C16orf87: variants seen among roughly 807,000 people sequenced by gnomAD.
The protein encoded by C16orf87 is HDAC and MIER1 interacting protein 1, also known as UPF0547 protein C16orf87.
A neutral mutation model predicts 21.0 loss-of-function variants in C16orf87; 13 were observed. That is an observed-to-expected ratio of 0.62 (90% CI 0.40 to 0.98). The LOEUF is 0.98. Ranked by LOEUF, C16orf87 falls within the 50% of genes least tolerant of loss-of-function variation. C16orf87 has a pLI of 0.00. For missense variants in C16orf87, 113 were observed against 180.4 expected (o/e 0.63, Z 2.14); for synonymous variants, 49 against 60.2 (o/e 0.81, Z 0.86).
At chr16:46,816,833 G>C (rs1412678585) in intron 2 of C16orf87, among the ~76,000 whole-genome samples, 1 of 151,952 alleles carries the variant, frequency 6.6e-6, no homozygotes, top group East Asian at 1.9e-4. Context: ...TTTTTCAAGG[G>C]AAGAAGCATA....
rs1264766770 is a variant in C16orf87, at chr16:46,804,393, A to T, written c.347-1323T>A. 2.0e-5 allele frequency among the ~76,000 whole-genome samples: 3 copies of T among 152,202 alleles called. No individual in the cohort carries two copies. In the East Asian group the frequency reaches 5.8e-4, roughly 29 times the overall value. On this transcript the variant is annotated intron_variant, in intron 3 of 3. Coordinates refer to ENST00000285697, the MANE Select transcript of C16orf87 (RefSeq NM_001001436.4). The stretch of plus-strand genomic sequence containing the variant: ...TTATTTCTTCATTTTGGTAGCAGGT[A>T]ACTTGTAGGGGCTTCCTGAGAAAGG...
chr16:46,819,913 G>A (rs146083231), intron 2 of C16orf87, among the ~76,000 whole-genome samples: 5 of 152,104 alleles, frequency 3.3e-5, no homozygotes, highest in African/African-American at 1.2e-4. Flanking sequence ...GGCAGAGGTT[G>A]CAGAGGTTGT....
At chr16:46,807,952 C>A in intron 3 of C16orf87, 1 of 446,620 alleles carries the variant, frequency 2.2e-6, no homozygotes, top group Non-Finnish European at 4.5e-6. Flanking sequence ...TCTGCTTTCT[C>A]ATCTTCTCTC....
intron 2 of C16orf87, among the ~76,000 whole-genome samples, chr16:46,812,230 C>T (rs1420757129): frequency 6.6e-6 from 1 of 151,848 alleles, no homozygotes; most frequent in Admixed American, 6.6e-5. Context: ...GGTGACAGAG[C>T]GAGACTCTGT....
chr16:46,819,911 T>C (rs899214835), intron 2 of C16orf87, among the ~76,000 whole-genome samples: 1 of 151,884 alleles, frequency 6.6e-6, no homozygotes, highest in Non-Finnish European at 1.5e-5. Flanking sequence ...GAGGCAGAGG[T>C]TGCAGAGGTT....
intron 2 of C16orf87, among the ~76,000 whole-genome samples, chr16:46,817,621 G>A (rs1048011844): frequency 2.6e-5 from 4 of 152,150 alleles, no homozygotes; most frequent in Admixed American, 2.0e-4. Flanking sequence ...CCGGGAGGTG[G>A]AGGTTGCAGT....
chr16:46,822,978 T>C (rs1959477861), intron 2 of C16orf87, among the ~76,000 whole-genome samples: 1 of 152,240 alleles, frequency 6.6e-6, no homozygotes, highest in Non-Finnish European at 1.5e-5. Context: ...CTGTCTACAC[T>C]GCAATCGCAA....
chr16:46,828,730 G>T (rs891535593), intron 1 of C16orf87, among the ~76,000 whole-genome samples: 1 of 151,960 alleles, frequency 6.6e-6, no homozygotes, highest in South Asian at 2.1e-4. Context: ...ACCTAAATTC[G>T]AATTTAATTT....
intron 1 of C16orf87, among the ~76,000 whole-genome samples, chr16:46,827,945 CTT>C (rs938057640): frequency 7.4e-6 from 1 of 134,714 alleles, no homozygotes. Context: ...GATTTTTTTA[CTT>C]TTTTTTTTTG....
intron 1 of C16orf87, among the ~76,000 whole-genome samples, chr16:46,824,913 C>T (rs1426266147): frequency 6.6e-6 from 1 of 152,152 alleles, no homozygotes; most frequent in Non-Finnish European, 1.5e-5. Flanking sequence ...ATCCGCCCAC[C>T]TCAGCCTCTC....
At chr16:46,811,445 G>A (rs1968080413) in intron 2 of C16orf87, among the ~76,000 whole-genome samples, 1 of 151,472 alleles carries the variant, frequency 6.6e-6, no homozygotes. Flanking sequence ...AGAGGTTGTG[G>A]TGAGCTGAGA....
chr16:46,809,346 A>G (rs1184378724), intron 3 of C16orf87, among the ~76,000 whole-genome samples: 1 of 152,066 alleles, frequency 6.6e-6, no homozygotes, highest in Non-Finnish European at 1.5e-5. Context: ...TATACAAATT[A>G]TCTTTGAACT....
intron 2 of C16orf87, 67 bp downstream of exon 2, chr16:46,824,319 A>C: frequency 1.3e-6 from 1 of 761,350 alleles, no homozygotes; most frequent in South Asian, 1.7e-5. Context: ...TGTAAATAGA[A>C]ACTTCACAAA....
Position 46,798,908 on chromosome 16 carries a change from A to G in C16orf87, c.*4044T>C, listed in dbSNP as rs1336557204. 1 of 152,218 alleles carries G rather than the reference A, an allele frequency of 6.6e-6. No individual in the cohort carries two copies. Among genetic ancestry groups the G allele is most frequent in the Non-Finnish European group, 1.5e-5 (1 of 68,048 alleles). 9.4% of individuals were successfully genotyped at this position (152,218 alleles called of 1,614,324 possible). A position where few individuals can be genotyped will look rare whatever the true frequency, so the allele number is the denominator to read the frequency against. On this transcript the variant is annotated 3_prime_UTR_variant, in exon 4 of 4. Coordinates refer to ENST00000285697, the MANE Select transcript of C16orf87 (RefSeq NM_001001436.4). Reference sequence around the variant, plus strand: ...GCAGAAATAAAAGAGTCTACCCTCAATCTACTAAAGGGTATTTTTTCAAGC... The same window carrying G: ...GCAGAAATAAAAGAGTCTACCCTCAGTCTACTAAAGGGTATTTTTTCAAGC...
At position 46,800,101 on chromosome 16, in the gene C16orf87, T is replaced by A. The variant is rs781087853; in HGVS notation, c.*2851A>T. The A allele has an allele frequency of 2.0e-5, 3 of 152,186 alleles. No individual in the cohort carries two copies. Among genetic ancestry groups the A allele is most frequent in the Admixed American group, 6.5e-5 (1 of 15,270 alleles). The allele number at this position is 152,186 out of a possible 1,614,324, so 9.4% of individuals were successfully genotyped here. A position where few individuals can be genotyped will look rare whatever the true frequency, so the allele number is the denominator to read the frequency against. On this transcript the variant is annotated 3_prime_UTR_variant, in exon 4 of 4. Transcript: ENST00000285697. ...ACTAGAGTTAAAGAAGTCAAATACT[T>A]TTCAATTTGAAATCTTATCTGAGGG...
At position 46,803,013 on chromosome 16, in the gene C16orf87, A is replaced by G. The variant is rs1489604764; in HGVS notation, c.404T>C (p.Val135Ala). The change falls in exon 4 of 4, where the codon GTG becomes GCG. Residue 135 changes from valine (V) to alanine (A), a missense_variant. Coordinates refer to ENST00000285697, the MANE Select transcript of C16orf87 (RefSeq NM_001001436.4). Reference sequence around the variant, plus strand: ...TATTTCTGCCAAGGCGACTGAAAACACGAAAGCCTTTTCATCAGACAGGTT... The same window carrying G: ...TATTTCTGCCAAGGCGACTGAAAACGCGAAAGCCTTTTCATCAGACAGGTT... ...YANLSDEKAF[V>A]FSVALAEINR... 2 of 1,608,180 alleles carry G rather than the reference A, an allele frequency of 1.2e-6. No individual in the cohort carries two copies. The highest frequency in any genetic ancestry group is 2.2e-5 in the South Asian group (2 of 90,784).
intron 2 of C16orf87, among the ~76,000 whole-genome samples, chr16:46,813,541 T>A (rs927005192): frequency 1.3e-5 from 2 of 152,102 alleles, no homozygotes; most frequent in Non-Finnish European, 2.9e-5. Flanking sequence ...ATAAGCTTTT[T>A]TCCATATTTA....
chr16:46,798,395 C>A lies in C16orf87; in HGVS notation c.*4557G>T, dbSNP rs1289473789. ...TAGTGGCGTGCGCCTGTAATTCCAG[C>A]TACTCAGGAGGCTAAGGCAGGAGAA... On this transcript the variant is annotated 3_prime_UTR_variant, in exon 4 of 4. Transcript: ENST00000285697. 1 of 152,278 alleles carries A rather than the reference C, an allele frequency of 6.6e-6. No individual in the cohort carries two copies. Among genetic ancestry groups the A allele is most frequent in the African/African-American group, 2.4e-5 (1 of 41,440 alleles). The allele number at this position is 152,278 out of a possible 1,614,324, so 9.4% of individuals were successfully genotyped here.
intron 3 of C16orf87, among the ~76,000 whole-genome samples, chr16:46,809,019 CAAA>C (rs776311594): frequency 1.6e-3 from 80 of 51,530 alleles, no homozygotes; most frequent in African/African-American, 5.0e-3. Flanking sequence ...CTTTAAAAGA[CAAA>C]AAAAAAAAAA....
Sources: allele counts gnomAD v4.1 joint callset (sites outside exome capture counted in the v4.1 genomes callset), GRCh38; gene constraint gnomAD v4.1.1; transcripts MANE v1.5; gene names NCBI Gene and HGNC (gene_info 2026-07-23, HGNC 2026-07-21).